Variants in HMGA1 observed in about 807,000 individuals in gnomAD.
HMGA1 encodes high mobility group AT-hook 1, also known as high mobility group protein HMG-I/HMG-Y.
In HMGA1, 1 loss-of-function variant was observed where a neutral mutation model predicts 15.1. The ratio of observed to expected loss-of-function variants is 0.07; its 90% CI spans 0.02 to 0.31. The LOEUF is 0.31. Among genes scored for constraint, HMGA1 ranks in the 10% least tolerant of loss-of-function variants. The pLI is 1.00. For missense variants in HMGA1, 94 were observed against 141.4 expected (o/e 0.66, Z 1.70); for synonymous variants, 56 against 54.8 (o/e 1.02, Z -0.10).
chr6:34,241,372 C>T (rs546345643), intron 3 of HMGA1, among the ~76,000 whole-genome samples: 4 of 152,224 alleles, frequency 2.6e-5, no homozygotes, highest in Non-Finnish European at 5.9e-5. Context: ...TTGCTGAATA[C>T]TTATGGTCGA....
At chr6:34,244,433 C>T (rs1305292219) in intron 5 of HMGA1, among the ~76,000 whole-genome samples, 1 of 152,120 alleles carries the variant, frequency 6.6e-6, no homozygotes, top group Non-Finnish European at 1.5e-5. Context: ...TCCCCTGCAC[C>T]CACCAGCGGG....
chr6:34,244,510 C>G (rs2127547125), intron 5 of HMGA1, among the ~76,000 whole-genome samples: 1 of 152,280 alleles, frequency 6.6e-6, no homozygotes, highest in South Asian at 2.1e-4. Context: ...ACCTCCTCTT[C>G]TCCCCTAGGG....
intron 5 of HMGA1, among the ~76,000 whole-genome samples, chr6:34,243,761 T>G: frequency 2.0e-5 from 3 of 152,182 alleles, no homozygotes; most frequent in Middle Eastern, 6.8e-3. Flanking sequence ...TAGTTGTGTG[T>G]GGGGGTCCCT....
At chr6:34,241,012 C>A in intron 3 of HMGA1, 97 bp downstream of exon 3, 1 of 1,391,694 alleles carries the variant, frequency 7.2e-7, no homozygotes, top group Non-Finnish European at 1.0e-6. Context: ...ATGGAGGGTG[C>A]AGAATGATTC....
Position 34,245,159 on chromosome 6 carries a change from C to G in HMGA1, c.*275C>G. On this transcript the variant is annotated 3_prime_UTR_variant, in exon 6 of 6. Coordinates refer to ENST00000311487, the MANE Select transcript of HMGA1 (RefSeq NM_145899.3). ...ACGCATACACACATGCCCTCCTGGA[C>G]AAGGCTAACATCCCACTTAGCCGCA... 6.8e-7 allele frequency: 1 copy of G among 1,467,688 alleles called. No homozygotes were observed. Among genetic ancestry groups the G allele is most frequent in the Non-Finnish European group, 9.1e-7 (1 of 1,103,312 alleles). 90.9% of individuals were successfully genotyped at this position (1,467,688 alleles called of 1,614,324 possible). A position where few individuals can be genotyped will look rare whatever the true frequency, so the allele number is the denominator to read the frequency against.
At chr6:34,241,145 T>A (rs1296734648) in intron 3 of HMGA1, among the ~76,000 whole-genome samples, 1 of 152,064 alleles carries the variant, frequency 6.6e-6, no homozygotes, top group Admixed American at 6.6e-5. Flanking sequence ...CAAGATAAAT[T>A]CTGAAGCCAA....
At chr6:34,240,036 G>C (rs1762169550) in intron 2 of HMGA1, among the ~76,000 whole-genome samples, 1 of 152,092 alleles carries the variant, frequency 6.6e-6, no homozygotes, top group Non-Finnish European at 1.5e-5. Flanking sequence ...TTGGCTTTGG[G>C]CTCACTTTCC....
At position 34,238,136 on chromosome 6, in the gene HMGA1, C is replaced by T. The variant is rs564496593; in HGVS notation, c.-45+819C>T. 8.8e-4 allele frequency among the ~76,000 whole-genome samples: 134 copies of T among 152,302 alleles called. 1 individual carries two copies. The highest frequency in any genetic ancestry group is 2.9e-3 in the African/African-American group (121 of 41,576). On this transcript the variant is annotated intron_variant, in intron 2 of 5. Coordinates refer to ENST00000311487, the MANE Select transcript of HMGA1 (RefSeq NM_145899.3). ...GCGCCCGCGCGCGCCAGGTTTCCTG[C>T]CCCAAGGCGGGCTTGGGTGCCCCCT...
At chr6:34,243,387 T>C in intron 4 of HMGA1, 81 bp from the exon 5 acceptor site, 3 of 1,085,790 alleles carry the variant, frequency 2.8e-6, no homozygotes, top group Non-Finnish European at 4.2e-6. Context: ...GGCAGGTAGG[T>C]CTGCCCCCCA....
At chr6:34,242,261 G>T (rs766774573) in intron 3 of HMGA1, among the ~76,000 whole-genome samples, 10 of 152,166 alleles carry the variant, frequency 6.6e-5, no homozygotes, top group Non-Finnish European at 1.3e-4. Context: ...TCATCTGAGA[G>T]GGTGGGCAGT....
chr6:34,242,263 G>A (rs138707604), intron 3 of HMGA1, among the ~76,000 whole-genome samples: 3 of 152,262 alleles, frequency 2.0e-5, no homozygotes, highest in Admixed American at 6.5e-5. Flanking sequence ...ATCTGAGAGG[G>A]TGGGCAGTGA....
chr6:34,238,306 G>A (rs1424789730), intron 2 of HMGA1, among the ~76,000 whole-genome samples: 1 of 152,156 alleles, frequency 6.6e-6, no homozygotes, highest in African/African-American at 2.4e-5. Flanking sequence ...CAACGGCCGG[G>A]CGCAGACACT....
At chr6:34,241,605 C>G (rs6457768) in intron 3 of HMGA1, among the ~76,000 whole-genome samples, 64 of 152,240 alleles carry the variant, frequency 4.2e-4, no homozygotes, top group African/African-American at 1.4e-3. Context: ...GATGAGGCTG[C>G]CAGCCTGGCG....
intron 5 of HMGA1, among the ~76,000 whole-genome samples, chr6:34,244,477 CTCCCCCAGCCACCTCT>C (rs1263956241): frequency 6.6e-6 from 1 of 152,072 alleles, no homozygotes; most frequent in Non-Finnish European, 1.5e-5. Flanking sequence ...TTCCCATTTC[CTCCCCCAGCCACCTCT>C]TCCCCCACCT....
intron 2 of HMGA1, among the ~76,000 whole-genome samples, chr6:34,239,154 C>T (rs1016556301): frequency 9.2e-5 from 14 of 152,176 alleles, no homozygotes; most frequent in African/African-American, 2.2e-4. Context: ...TTACCAAAGT[C>T]CTGCTGTCTG....
In HMGA1 at chr6:34,245,506, C is replaced by G. The variant is rs1762675196; in HGVS notation, c.*622C>G. The G allele has an allele frequency of 7.2e-7, 1 of 1,382,308 alleles. No individual in the cohort carries two copies. Among genetic ancestry groups the G allele is most frequent in the Non-Finnish European group, 9.6e-7 (1 of 1,037,292 alleles). 85.6% of individuals were successfully genotyped at this position (1,382,308 alleles called of 1,614,324 possible). A position where few individuals can be genotyped will look rare whatever the true frequency, so the allele number is the denominator to read the frequency against. ...TCCCTAGTCCCCGTACTAGGTTGGA[C>G]AGCCCCCTTCGGTTACAGGAAGGCA... On this transcript the variant is annotated 3_prime_UTR_variant, in exon 6 of 6. Coordinates refer to ENST00000311487, the MANE Select transcript of HMGA1 (RefSeq NM_145899.3).
At chr6:34,238,343 G>A (rs1048047326) in intron 2 of HMGA1, among the ~76,000 whole-genome samples, 1 of 152,132 alleles carries the variant, frequency 6.6e-6, no homozygotes, top group African/African-American at 2.4e-5. Flanking sequence ...GGCCGGGTCT[G>A]GAGCCTGATG....
chr6:34,240,611 G>T, intron 2 of HMGA1, 126 bp from the exon 3 acceptor site: 1 of 775,958 alleles, frequency 1.3e-6, no homozygotes, highest in Non-Finnish European at 2.2e-6. Flanking sequence ...ATCCTGGGCA[G>T]AGTAGGAGGC....
At chr6:34,239,176 G>A (rs1762087307) in intron 2 of HMGA1, among the ~76,000 whole-genome samples, 1 of 152,110 alleles carries the variant, frequency 6.6e-6, no homozygotes, top group African/African-American at 2.4e-5. Context: ...AGGGTCTCTT[G>A]ATGCTTGAAA....
Sources: allele counts gnomAD v4.1 joint callset (sites outside exome capture counted in the v4.1 genomes callset), GRCh38; gene constraint gnomAD v4.1.1; transcripts MANE v1.5; gene names NCBI Gene and HGNC (gene_info 2026-07-23, HGNC 2026-07-21).